Variants in SCAPER observed in about 807,000 individuals in gnomAD.
SCAPER encodes S-phase cyclin A associated protein in the ER, also known as S phase cyclin A-associated protein in the endoplasmic reticulum.
A neutral mutation model predicts 182.2 loss-of-function variants in SCAPER; 98 were observed. The observed-to-expected ratio is 0.54, with a 90% confidence interval of 0.46 to 0.64. The LOEUF is 0.64. SCAPER is among the 30% of genes least tolerant of loss of function. The pLI is 0.00. For missense variants in SCAPER, 1,432 were observed against 1,690.0 expected (o/e 0.85, Z 2.68); for synonymous variants, 605 against 564.6 (o/e 1.07, Z -1.01).
Position 76,488,969 on chromosome 15 carries a change from T to A in SCAPER, c.2954+15890A>T, listed in dbSNP as rs937154398. Among the ~76,000 whole-genome samples the A allele has an allele frequency of 4.6e-5, 7 of 151,168 alleles. No individual in the cohort carries two copies. In the East Asian group the frequency reaches 1.4e-3, roughly 31 times the overall value. Reference sequence around the variant, plus strand: ...AACTCCTGACCTCAGGTGATCCACCTGTCTCAGCCTCCCAAAGTGCTAGGA... The same window carrying A: ...AACTCCTGACCTCAGGTGATCCACCAGTCTCAGCCTCCCAAAGTGCTAGGA... On this transcript the variant is annotated intron_variant, in intron 24 of 31. Coordinates refer to ENST00000563290, the MANE Select transcript of SCAPER (RefSeq NM_020843.4).
chr15:76,494,761 C>A (rs571660249), intron 24 of SCAPER, among the ~76,000 whole-genome samples: 1 of 151,944 alleles, frequency 6.6e-6, no homozygotes, highest in South Asian at 2.1e-4. Flanking sequence ...ATAAGATATT[C>A]TATCTTATCA....
chr15:76,621,429 T>G (rs118112319), intron 22 of SCAPER, among the ~76,000 whole-genome samples: 1 of 152,152 alleles, frequency 6.6e-6, no homozygotes, highest in Non-Finnish European at 1.5e-5. Flanking sequence ...CCTGATCTGT[T>G]AGAACAGGGA....
At chr15:76,510,888 T>TGTGTGTGTGC (rs1491205462) in intron 23 of SCAPER, among the ~76,000 whole-genome samples, 1 of 141,090 alleles carries the variant, frequency 7.1e-6, no homozygotes, top group African/African-American at 2.6e-5. Flanking sequence ...TGTGTGTGTG[T>TGTGTGTGTGC]GCGCGCGCGC....
At chr15:76,618,449 A>ATCTATGG (rs1278703535) in intron 22 of SCAPER, among the ~76,000 whole-genome samples, 1 of 149,286 alleles carries the variant, frequency 6.7e-6, no homozygotes, top group Non-Finnish European at 1.5e-5. Flanking sequence ...TAGATCTATG[A>ATCTATGG]AAAAAAGGTT....
At chr15:76,712,449 A>C (rs1265399517) in intron 17 of SCAPER, among the ~76,000 whole-genome samples, 1 of 152,108 alleles carries the variant, frequency 6.6e-6, no homozygotes, top group African/African-American at 2.4e-5. Context: ...ATGAACTTTA[A>C]AGTAGTTTTT....
At chr15:76,402,765 T>C (rs2142124613) in intron 27 of SCAPER, among the ~76,000 whole-genome samples, 2 of 151,990 alleles carry the variant, frequency 1.3e-5, no homozygotes, top group South Asian at 2.1e-4. Context: ...TTCAAAGAAA[T>C]GAAATATATG....
intron 13 of SCAPER, 119 bp from the exon 14 acceptor site, chr15:76,765,191 C>A (rs1217205285): frequency 1.9e-6 from 2 of 1,035,286 alleles, no homozygotes; most frequent in South Asian, 3.4e-5. Flanking sequence ...CCCAACATTT[C>A]GGGAAAGCTT....
At chr15:76,731,663 A>G (rs905059109) in intron 16 of SCAPER, among the ~76,000 whole-genome samples, 2 of 152,234 alleles carry the variant, frequency 1.3e-5, no homozygotes, top group East Asian at 3.8e-4. Flanking sequence ...GTTATCTACC[A>G]GTGGATTTTT....
chr15:76,742,618 T>C (rs1219398495), intron 15 of SCAPER, among the ~76,000 whole-genome samples: 3 of 151,702 alleles, frequency 2.0e-5, no homozygotes, highest in Non-Finnish European at 2.9e-5. Flanking sequence ...TGATCTAATA[T>C]AAAATCAGGT....
chr15:76,831,139 A>G (rs1300654860), intron 5 of SCAPER, among the ~76,000 whole-genome samples: 1 of 152,086 alleles, frequency 6.6e-6, no homozygotes, highest in Non-Finnish European at 1.5e-5. Flanking sequence ...GCTACTATGG[A>G]GCATGGCCAT....
chr15:76,668,358 T>G (rs1388713849), intron 20 of SCAPER, among the ~76,000 whole-genome samples: 1 of 152,184 alleles, frequency 6.6e-6, no homozygotes, highest in African/African-American at 2.4e-5. Flanking sequence ...TCATTCCTTT[T>G]ATCAAAACTT....
At position 76,843,210 on chromosome 15, in the gene SCAPER, G is replaced by A. The variant is rs142079352; in HGVS notation, c.196-1279C>T. Among the ~76,000 whole-genome samples the A allele has an allele frequency of 4.3e-3, 649 of 152,118 alleles. 9 individuals are homozygous for A. Among genetic ancestry groups the A allele is most frequent in the African/African-American group, 0.015 (614 of 41,496 alleles). ...ACCATCCTTTCTTATAATGTACAAC[G>A]GGCAATAATGCCTTGGGGTTAAGCT... On this transcript the variant is annotated intron_variant, in intron 4 of 31. Transcript: ENST00000563290.
chr15:76,652,139 C>A (rs1204332607), intron 21 of SCAPER, among the ~76,000 whole-genome samples: 4 of 147,904 alleles, frequency 2.7e-5, no homozygotes, highest in Admixed American at 6.8e-5. Flanking sequence ...TAAGGCCAGG[C>A]ATGAGGGCTC....
At chr15:76,406,032 T>G (rs2044803560) in intron 26 of SCAPER, among the ~76,000 whole-genome samples, 1 of 152,138 alleles carries the variant, frequency 6.6e-6, no homozygotes, top group Non-Finnish European at 1.5e-5. Flanking sequence ...AATTGGGAAG[T>G]ATGAAATGAC....
At chr15:76,418,357 T>C (rs2045800254) in intron 26 of SCAPER, among the ~76,000 whole-genome samples, 1 of 152,168 alleles carries the variant, frequency 6.6e-6, no homozygotes, top group Non-Finnish European at 1.5e-5. Context: ...CAGTCCTCAC[T>C]GCCACCACAA....
intron 24 of SCAPER, among the ~76,000 whole-genome samples, chr15:76,480,934 T>G (rs979406021): frequency 5.9e-5 from 9 of 152,258 alleles, no homozygotes; most frequent in Admixed American, 3.3e-4. Flanking sequence ...AGTTTCACCG[T>G]GTTAGCCAGG....
At chr15:76,664,810 A>G (rs1284750612) in intron 21 of SCAPER, among the ~76,000 whole-genome samples, 1 of 152,208 alleles carries the variant, frequency 6.6e-6, no homozygotes, top group Non-Finnish European at 1.5e-5. Flanking sequence ...TTCTTTGATT[A>G]AATGAGCACT....
intron 14 of SCAPER, among the ~76,000 whole-genome samples, chr15:76,757,635 C>A (rs991252422): frequency 5.3e-5 from 8 of 152,140 alleles, no homozygotes; most frequent in African/African-American, 1.9e-4. Flanking sequence ...AGAAGAAGAA[C>A]TGCTGATCGT....
At chr15:76,869,175 T>TA (rs993721127) in intron 2 of SCAPER, among the ~76,000 whole-genome samples, 1 of 151,738 alleles carries the variant, frequency 6.6e-6, no homozygotes, top group African/African-American at 2.4e-5. Context: ...AAATAAAACT[T>TA]AAAAGAAATG....
Sources: allele counts gnomAD v4.1 joint callset (sites outside exome capture counted in the v4.1 genomes callset), GRCh38; gene constraint gnomAD v4.1.1; transcripts MANE v1.5; gene names NCBI Gene and HGNC (gene_info 2026-07-23, HGNC 2026-07-21).